Variants in THSD7B observed in about 807,000 individuals in gnomAD.
The protein encoded by THSD7B is thrombospondin type 1 domain containing 7B, also known as thrombospondin type-1 domain-containing protein 7B.
In THSD7B, 138 loss-of-function variants were observed where a neutral mutation model predicts 213.6. That is an observed-to-expected ratio of 0.65 (90% CI 0.56 to 0.74). The LOEUF is 0.74. Ranked by LOEUF, THSD7B falls within the 30% of genes least tolerant of loss-of-function variation. The pLI is 0.00. For missense variants in THSD7B, 1,931 were observed against 1,991.5 expected (o/e 0.97, Z 0.58); for synonymous variants, 742 against 687.0 (o/e 1.08, Z -1.25).
chr2:136,919,324 A>G (rs1028095013), intron 2 of THSD7B, among the ~76,000 whole-genome samples: 1 of 152,218 alleles, frequency 6.6e-6, no homozygotes, highest in African/African-American at 2.4e-5. Flanking sequence ...ACCTCAGGCA[A>G]AACCCAAGCA....
At chr2:137,149,370 G>A (rs1490914836) in intron 5 of THSD7B, among the ~76,000 whole-genome samples, 1 of 70 alleles carries the variant, frequency 0.014, no homozygotes, top group Non-Finnish European at 0.029. Context: ...CCCACACAGA[G>A]TCCCCACCAG....
At chr2:137,592,159 T>C (rs1417619590) in intron 17 of THSD7B, among the ~76,000 whole-genome samples, 1 of 151,798 alleles carries the variant, frequency 6.6e-6, no homozygotes, top group Non-Finnish European at 1.5e-5. Context: ...CTGATTATGT[T>C]TTATTTTTAT....
intron 2 of THSD7B, among the ~76,000 whole-genome samples, chr2:136,959,330 G>T (rs1018101734): frequency 6.6e-6 from 1 of 152,154 alleles, no homozygotes; most frequent in African/African-American, 2.4e-5. Context: ...CTCTTCTCTC[G>T]ATCAGTAGCT....
chr2:136,855,145 C>G (rs1048420724), intron 1 of THSD7B, among the ~76,000 whole-genome samples: 1 of 152,006 alleles, frequency 6.6e-6, no homozygotes, highest in African/African-American at 2.4e-5. Context: ...AGAGATATAT[C>G]TCTTTGGTTT....
At chr2:137,314,977 C>T (rs1558754572) in intron 12 of THSD7B, among the ~76,000 whole-genome samples, 3 of 152,196 alleles carry the variant, frequency 2.0e-5, no homozygotes, top group Non-Finnish European at 4.4e-5. Flanking sequence ...TGTGCCCTGC[C>T]CCCAGAGGTG....
At chr2:136,896,656 T>C (rs1683965060) in intron 2 of THSD7B, among the ~76,000 whole-genome samples, 1 of 152,124 alleles carries the variant, frequency 6.6e-6, no homozygotes, top group African/African-American at 2.4e-5. Context: ...TATGTCGTCT[T>C]CTAAAATTTT....
At chr2:136,940,893 A>C (rs115363019) in intron 2 of THSD7B, among the ~76,000 whole-genome samples, 2,323 of 148,954 alleles carry the variant, frequency 0.016, 32 homozygotes, top group Middle Eastern at 0.021. Flanking sequence ...TCTAGGGTAC[A>C]TGTGCACAAT....
intron 12 of THSD7B, among the ~76,000 whole-genome samples, chr2:137,350,930 C>T (rs80123457): frequency 0.03 from 4,551 of 151,928 alleles, 227 homozygotes; most frequent in African/African-American, 0.1. Context: ...GAGAGTAGAG[C>T]AGGACACTGG....
chr2:136,923,333 A>T (rs1439086672), intron 2 of THSD7B, among the ~76,000 whole-genome samples: 1 of 152,158 alleles, frequency 6.6e-6, no homozygotes, highest in Non-Finnish European at 1.5e-5. Flanking sequence ...ATTTCTTTTT[A>T]AAAATTCATT....
intron 2 of THSD7B, among the ~76,000 whole-genome samples, chr2:136,977,667 G>A (rs1263852611): frequency 1.3e-5 from 2 of 151,832 alleles, no homozygotes; most frequent in African/African-American, 4.8e-5. Flanking sequence ...TTGTCTCTTT[G>A]TTCTCATTAG....
At chr2:137,560,479 A>G (rs111712467) in intron 15 of THSD7B, among the ~76,000 whole-genome samples, 9 of 152,102 alleles carry the variant, frequency 5.9e-5, no homozygotes, top group South Asian at 2.1e-4. Context: ...ACCAAACACC[A>G]CATGTTCTCA....
At chr2:137,089,481 A>T (rs1004596991) in intron 3 of THSD7B, among the ~76,000 whole-genome samples, 1 of 151,698 alleles carries the variant, frequency 6.6e-6, no homozygotes, top group Non-Finnish European at 1.5e-5. Flanking sequence ...ACTCAGCCAT[A>T]AAAAGGAATG....
At chr2:136,946,069 T>C (rs574250344) in intron 2 of THSD7B, among the ~76,000 whole-genome samples, 11 of 152,358 alleles carry the variant, frequency 7.2e-5, no homozygotes, top group Admixed American at 2.6e-4. Flanking sequence ...TCAGCTTTTC[T>C]GCTCTGGTTT....
intron 2 of THSD7B, among the ~76,000 whole-genome samples, chr2:136,895,959 C>T (rs895867561): frequency 1.3e-5 from 2 of 152,152 alleles, no homozygotes; most frequent in Admixed American, 6.5e-5. Context: ...TTTTGTATTA[C>T]TGAATAGTAT....
chr2:137,578,854 T>C (rs1263962478), intron 17 of THSD7B, among the ~76,000 whole-genome samples: 6 of 152,128 alleles, frequency 3.9e-5, no homozygotes, highest in African/African-American at 1.4e-4. Flanking sequence ...AAAACATAGT[T>C]ACTAAGCACA....
intron 15 of THSD7B, among the ~76,000 whole-genome samples, chr2:137,501,008 T>C (rs1354046399): frequency 6.6e-6 from 1 of 152,180 alleles, no homozygotes; most frequent in African/African-American, 2.4e-5. Context: ...TTTGTAAGAT[T>C]AAGCATCTCA....
chr2:137,405,865 G>A, intron 13 of THSD7B, 58 bp downstream of exon 13: 1 of 1,468,496 alleles, frequency 6.8e-7, no homozygotes, highest in Admixed American at 2.3e-5. Flanking sequence ...TGGATCTTTT[G>A]TGTAGAATAT....
At chr2:136,999,944 C>A (rs994512131) in intron 2 of THSD7B, among the ~76,000 whole-genome samples, 3 of 152,066 alleles carry the variant, frequency 2.0e-5, no homozygotes, top group African/African-American at 7.2e-5. Flanking sequence ...ATGAAATATT[C>A]CAGGCATTTT....
chr2:137,637,196 G>C (rs1225190128), intron 20 of THSD7B, among the ~76,000 whole-genome samples: 2 of 152,088 alleles, frequency 1.3e-5, no homozygotes, highest in Non-Finnish European at 2.9e-5. Context: ...CATCCTTTCT[G>C]AGATCTGGCA....
Sources: allele counts gnomAD v4.1 joint callset (sites outside exome capture counted in the v4.1 genomes callset), GRCh38; gene constraint gnomAD v4.1.1; transcripts MANE v1.5; gene names NCBI Gene and HGNC (gene_info 2026-07-23, HGNC 2026-07-21).